Variants in CNTNAP5 observed in about 807,000 individuals in gnomAD.
CNTNAP5 encodes the protein contactin-associated protein-like 5.
In CNTNAP5, 72 loss-of-function variants were observed where a neutral mutation model predicts 150.2. The observed-to-expected ratio is 0.48, with a 90% CI of 0.40 to 0.58. The LOEUF (loss-of-function observed/expected upper bound fraction) is 0.58, where lower values mean the gene tolerates loss of function less well. Among genes scored for constraint, CNTNAP5 ranks in the 20% least tolerant of loss-of-function variants. CNTNAP5 has a pLI of 0.00. For missense variants in CNTNAP5, 1,636 were observed against 1,626.2 expected (o/e 1.01, Z -0.10); for synonymous variants, 672 against 619.8 (o/e 1.08, Z -1.25).
chr2:124,155,855 C>A (rs893587028), intron 1 of CNTNAP5, among the ~76,000 whole-genome samples: 6 of 152,166 alleles, frequency 3.9e-5, no homozygotes, highest in Non-Finnish European at 2.9e-5. Flanking sequence ...ATCTGTGATA[C>A]TTCAGGGAAA....
chr2:124,498,243 C>T lies in CNTNAP5; in HGVS notation c.1063-6049C>T, dbSNP rs34367922. ...TGCTTCTGGTTTTCATTGCATAGTC[C>T]CTGAACTGGCACCTGTCTAAGTGGC... is the stretch of plus-strand genomic sequence containing the variant. On this transcript the variant is annotated intron_variant, in intron 7 of 23. Coordinates refer to ENST00000682447, the MANE Select transcript of CNTNAP5 (RefSeq NM_001367498.1). Among the ~76,000 whole-genome samples, 657 of 152,236 alleles carry T rather than the reference C, an allele frequency of 4.3e-3. 2 individuals carry two copies. The highest frequency in any genetic ancestry group is 7.1e-3 in the Non-Finnish European group (484 of 68,018).
chr2:124,061,919 T>A (rs1422289910), intron 1 of CNTNAP5, among the ~76,000 whole-genome samples: 1 of 152,158 alleles, frequency 6.6e-6, no homozygotes, highest in Admixed American at 6.5e-5. Context: ...ATGATCCTAC[T>A]ATCCAATGAG....
chr2:124,674,580 C>T (rs1678899066), intron 13 of CNTNAP5, among the ~76,000 whole-genome samples: 1 of 113,636 alleles, frequency 8.8e-6, no homozygotes. Context: ...TCTTTCTTTT[C>T]ATCTCCTCCT....
chr2:124,105,903 G>A (rs1683161748), intron 1 of CNTNAP5, among the ~76,000 whole-genome samples: 2 of 152,002 alleles, frequency 1.3e-5, no homozygotes, highest in African/African-American at 4.8e-5. Flanking sequence ...TCTGAAAAAT[G>A]TTTAATCTCA....
intron 19 of CNTNAP5, among the ~76,000 whole-genome samples, chr2:124,841,224 G>T (rs529503221): frequency 6.6e-6 from 1 of 151,890 alleles, no homozygotes; most frequent in Non-Finnish European, 1.5e-5. Flanking sequence ...GCAAATGATG[G>T]GTTGGTTAAA....
chr2:124,832,574 T>A (rs1401674154), intron 19 of CNTNAP5, among the ~76,000 whole-genome samples: 2 of 152,122 alleles, frequency 1.3e-5, no homozygotes, highest in African/African-American at 2.4e-5. Context: ...AAATTTTGGG[T>A]AAAGCATTTT....
At chr2:124,203,837 C>T (rs1305225043) in intron 1 of CNTNAP5, among the ~76,000 whole-genome samples, 1 of 152,230 alleles carries the variant, frequency 6.6e-6, no homozygotes. Flanking sequence ...TCCAGGCCTC[C>T]AGGCCTGTGA....
intron 17 of CNTNAP5, among the ~76,000 whole-genome samples, chr2:124,785,567 G>A (rs775939360): frequency 2.0e-5 from 3 of 152,206 alleles, no homozygotes; most frequent in Non-Finnish European, 4.4e-5. Flanking sequence ...TAACATACTA[G>A]TAAATACAAC....
chr2:124,750,092 C>T (rs1680693546), intron 14 of CNTNAP5, among the ~76,000 whole-genome samples: 1 of 152,134 alleles, frequency 6.6e-6, no homozygotes, highest in Admixed American at 6.5e-5. Context: ...TTGATCATTC[C>T]AGAAGTTATT....
intron 3 of CNTNAP5, among the ~76,000 whole-genome samples, chr2:124,380,288 T>G (rs895857834): frequency 1.3e-5 from 2 of 152,146 alleles, no homozygotes; most frequent in African/African-American, 4.8e-5. Flanking sequence ...CCATGAGAGA[T>G]AAGGAAAATT....
intron 3 of CNTNAP5, among the ~76,000 whole-genome samples, chr2:124,371,450 A>C (rs1016943740): frequency 6.6e-6 from 1 of 152,166 alleles, no homozygotes; most frequent in Non-Finnish European, 1.5e-5. Context: ...TCAAAAAGAC[A>C]ACATGCAACA....
chr2:124,469,751 C>T (rs1484313618), intron 6 of CNTNAP5, among the ~76,000 whole-genome samples: 1 of 152,058 alleles, frequency 6.6e-6, no homozygotes, highest in Non-Finnish European at 1.5e-5. Context: ...ACAGGCCCCA[C>T]TGTGAGTGGT....
At chr2:124,763,852 G>A in intron 15 of CNTNAP5, 53 bp downstream of exon 15, 1 of 1,610,014 alleles carries the variant, frequency 6.2e-7, no homozygotes. Context: ...AGCACAAGAT[G>A]TTCTTACTCC....
chr2:124,786,295 G>A (rs373164725), intron 17 of CNTNAP5, among the ~76,000 whole-genome samples: 2 of 141,026 alleles, frequency 1.4e-5, no homozygotes, highest in Admixed American at 7.3e-5. Flanking sequence ...CAGGAAGGAA[G>A]AAAAGAAAGA....
At chr2:124,742,625 G>GACAC (rs3042996) in intron 13 of CNTNAP5, among the ~76,000 whole-genome samples, 59 of 148,232 alleles carry the variant, frequency 4.0e-4, no homozygotes, top group African/African-American at 8.7e-4. Context: ...TACACGCACA[G>GACAC]ACACACACAC....
At chr2:124,398,709 G>A (rs532394116) in intron 3 of CNTNAP5, among the ~76,000 whole-genome samples, 148 of 152,194 alleles carry the variant, frequency 9.7e-4, no homozygotes, top group African/African-American at 3.4e-3. Context: ...TTGAACTCCC[G>A]ACCTCGGGTG....
chr2:124,581,168 C>G (rs1323399611), intron 11 of CNTNAP5, among the ~76,000 whole-genome samples: 2 of 152,096 alleles, frequency 1.3e-5, no homozygotes, highest in African/African-American at 4.8e-5. Context: ...AGTCACTAAC[C>G]CTTGGAGAGA....
rs185957915 is a variant in CNTNAP5, at chr2:124,373,464, G to A, written c.382-43979G>A. Among the ~76,000 whole-genome samples, 219 of 152,036 alleles carry A rather than the reference G, an allele frequency of 1.4e-3. 6 individuals carry two copies. The highest frequency in any genetic ancestry group is 0.012 in the Admixed American group (189 of 15,258). On this transcript the variant is annotated intron_variant, in intron 3 of 23. Transcript: ENST00000682447. ...ATGACCAGCAATGACAAAGACAAAT[G>A]AATAAAAAGGAACTAAAGTGGTGCC...
intron 3 of CNTNAP5, among the ~76,000 whole-genome samples, chr2:124,248,285 T>A (rs183373190): frequency 6.6e-6 from 1 of 152,306 alleles, no homozygotes; most frequent in African/African-American, 2.4e-5. Flanking sequence ...TTCCTCCACA[T>A]TTCCTTGCTC....
Sources: allele counts gnomAD v4.1 joint callset (sites outside exome capture counted in the v4.1 genomes callset), GRCh38; gene constraint gnomAD v4.1.1; transcripts MANE v1.5; gene names NCBI Gene and HGNC (gene_info 2026-07-23, HGNC 2026-07-21).